COL18A1: variants seen among roughly 807,000 people sequenced by gnomAD.
The protein encoded by COL18A1 is collagen alpha-1(XVIII) chain.
Under a neutral mutation model 168.0 loss-of-function variants are expected in COL18A1, and 133 were observed. The observed-to-expected ratio is 0.79, with a 90% CI of 0.69 to 0.91. COL18A1 has a LOEUF of 0.91. Among genes scored for constraint, COL18A1 ranks in the 40% least tolerant of loss-of-function variants. The probability of loss-of-function intolerance (pLI) is 0.00; values close to 1 mark genes in which losing one functional copy is unlikely to be tolerated. For missense variants in COL18A1, 2,126 were observed against 1,925.4 expected (o/e 1.10, Z -1.95); for synonymous variants, 949 against 809.0 (o/e 1.17, Z -2.94).
intron 2 of COL18A1, among the ~76,000 whole-genome samples, chr21:45,448,629 G>A (rs189097683): frequency 2.4e-4 from 37 of 152,228 alleles, no homozygotes; most frequent in Non-Finnish European, 4.3e-4. Flanking sequence ...TTCTGTGTGC[G>A]TGTCCCAAGA....
At chr21:45,437,138 C>CCTGCG in intron 2 of COL18A1, among the ~76,000 whole-genome samples, 2 of 109,902 alleles carry the variant, frequency 1.8e-5, no homozygotes, top group Non-Finnish European at 3.6e-5. Context: ...CAGGCACTCT[C>CCTGCG]CACACACACT....
At chr21:45,456,162 C>A in intron 2 of COL18A1, 1 of 1,588,976 alleles carries the variant, frequency 6.3e-7, no homozygotes, top group Admixed American at 1.7e-5. Flanking sequence ...CCCTCAGTGC[C>A]ACCACCATCT....
At chr21:45,437,728 G>A (rs2034207097) in intron 2 of COL18A1, among the ~76,000 whole-genome samples, 1 of 36,834 alleles carries the variant, frequency 2.7e-5, no homozygotes, top group Non-Finnish European at 4.5e-5. Flanking sequence ...GCACTCTCCT[G>A]CACACACACA....
In COL18A1 at chr21:45,505,868, C is replaced by T. The variant is rs1360343516; in HGVS notation, c.3118C>T (p.Leu1040=). The change falls in exon 37 of 42, where the codon CTG becomes TTG. Residue 1040 remains leucine (L), a synonymous_variant. Coordinates refer to ENST00000651438, the MANE Select transcript of COL18A1 (RefSeq NM_001379500.1). ...VRLWATRQAM[L]GQVHEVPEGW... is the part of the protein sequence containing the mutation. ...GCTCTGGGCTACACGCCAGGCCATG[C>T]TGGGCCAGGTGCACGAGGTTCCCGA... is the stretch of plus-strand genomic sequence containing the variant. The T allele has an allele frequency of 1.2e-6, 2 of 1,611,830 alleles. No individual in the cohort carries two copies. The highest frequency in any genetic ancestry group is 1.7e-6 in the Non-Finnish European group (2 of 1,179,776).
chr21:45,509,964 G>T lies in COL18A1; in HGVS notation c.3496-100G>T. 9 of 1,368,340 alleles carry T rather than the reference G, an allele frequency of 6.6e-6. No homozygotes were observed. The East Asian group carries it at 7.6e-5, about 12-fold the overall frequency. The allele number at this position is 1,368,340 out of a possible 1,614,324, so 84.8% of individuals were successfully genotyped here. The stretch of plus-strand genomic sequence containing the variant: ...GCCTCCCGCTCAGCGCCCCTCGGCC[G>T]TGCCTGTCCACACAGGTGCGGGGCC... On this transcript the variant is annotated intron_variant, in intron 39 of 41. Coordinates refer to ENST00000651438, the MANE Select transcript of COL18A1 (RefSeq NM_001379500.1).
Position 45,498,080 on chromosome 21 carries a change from G to A in COL18A1, c.2683+419G>A. ...GGAGGCGTTGCCCGACAGGCCGTCT[G>A]GAGGGTGAGCCCAGCACCCCTGCTC... On this transcript the variant is annotated intron_variant, in intron 32 of 41. Transcript: ENST00000651438. This position sits in a 1 kb window ranked among gnomAD's most constrained non-coding sequence, Gnocchi z 4.5. 1.6e-6 allele frequency: 1 copy of A among 609,402 alleles called. No individual in the cohort carries two copies. Among genetic ancestry groups the A allele is most frequent in the Non-Finnish European group, 2.9e-6 (1 of 343,526 alleles). 37.7% of individuals were successfully genotyped at this position (609,402 alleles called of 1,614,324 possible). A position where few individuals can be genotyped will look rare whatever the true frequency, so the allele number is the denominator to read the frequency against.
chr21:45,407,963 C>T (rs1034859717), intron 2 of COL18A1: 3 of 152,280 alleles, frequency 2.0e-5, no homozygotes, highest in South Asian at 2.1e-4. Flanking sequence ...GCCTAGGTAA[C>T]GAGAGACCCT....
intron 32 of COL18A1, 27 bp from the exon 33 acceptor site, chr21:45,503,984 G>C (rs754603891): frequency 1.2e-6 from 2 of 1,613,136 alleles, no homozygotes; most frequent in Non-Finnish European, 8.5e-7. Flanking sequence ...CCACCTCAGC[G>C]AGACCCCGCC....
chr21:45,490,645 C>T (rs370108787), intron 20 of COL18A1, among the ~76,000 whole-genome samples, 191 bp from the exon 21 acceptor site: 12 of 134,914 alleles, frequency 8.9e-5, no homozygotes, highest in African/African-American at 1.9e-4. Flanking sequence ...TCTGGGCCTC[C>T]GTGTGCCCAC....
In COL18A1 at chr21:45,512,327, A is replaced by G. The variant is rs1414960073; in HGVS notation, c.3949A>G (p.Ser1317Gly). The G allele has an allele frequency of 6.2e-7, 1 of 1,612,562 alleles. No homozygotes were observed. Among genetic ancestry groups the G allele is most frequent in the Non-Finnish European group, 8.5e-7 (1 of 1,179,814 alleles). Residue 1317 changes from serine (S) to glycine (G), a missense_variant, in exon 42 of 42, where the codon AGT becomes GGT. Transcript: ENST00000651438. ...SLLGGRLLGQ[S>G]AASCHHAYIV... ...GCTGGGGGGCAGGCTCCTGGGGCAG[A>G]GTGCCGCGAGCTGCCATCACGCCTA...
rs201128690 is a variant in COL18A1 at position 45,414,110 on chromosome 21, G to A, written c.106+8637G>A. 8.5e-5 allele frequency among the ~76,000 whole-genome samples: 13 copies of A among 152,306 alleles called. No individual in the cohort carries two copies. In the East Asian group the frequency reaches 2.5e-3, roughly 29 times the overall value. On this transcript the variant is annotated intron_variant, in intron 2 of 41. Transcript: ENST00000651438. The stretch of plus-strand genomic sequence containing the variant: ...AGGCCCTTTCTGTATTGGATGCACC[G>A]CCTGGCCCCAGGCCCTCCTGCCCAG...
Position 45,443,264 on chromosome 21 carries a change from C to G in COL18A1, c.107-24978C>G, listed in dbSNP as rs1225140749. 3.3e-5 allele frequency among the ~76,000 whole-genome samples: 5 copies of G among 152,158 alleles called. No individual in the cohort carries two copies. The highest frequency in any genetic ancestry group is 1.2e-4 in the African/African-American group (5 of 41,418). ...ATGGCCCCAACCGGCACAAGTGTGG[C>G]TGTCACAGCTGGGGTCTGGGTAGGT... On this transcript the variant is annotated intron_variant, in intron 2 of 41. Coordinates refer to ENST00000651438, the MANE Select transcript of COL18A1 (RefSeq NM_001379500.1). This position sits in a 1 kb window ranked among gnomAD's most constrained non-coding sequence, Gnocchi z 5.2.
intron 2 of COL18A1, chr21:45,455,608 G>A (rs2034772099): frequency 1.9e-6 from 3 of 1,613,858 alleles, no homozygotes; most frequent in Middle Eastern, 1.6e-4. Flanking sequence ...CCAACCTGCT[G>A]AACCTGAACT....
intron 2 of COL18A1, among the ~76,000 whole-genome samples, chr21:45,406,569 G>T (rs923159040): frequency 6.6e-6 from 1 of 152,142 alleles, no homozygotes; most frequent in African/African-American, 2.4e-5. Flanking sequence ...GCGGAGAGCG[G>T]CTGTGAGCTC....
At position 45,509,500 on chromosome 21, in the gene COL18A1, C is replaced by CAGCCCT. The variant is rs1459525998; in HGVS notation, c.3396_3401dup (p.Pro1133_Tyr1134insTer). On this transcript the variant is annotated stop_gained and inframe_insertion, in exon 39 of 42. Transcript: ENST00000651438. LOFTEE classifies it high-confidence loss of function. ...CAGCCCCCCTCGCCTGCCCGAGCCC[C>CAGCCCT]AGCCCTACCCCGGAGCCCCGCACCA... 1 of 1,531,600 alleles carries CAGCCCT rather than the reference C, an allele frequency of 6.5e-7. No homozygotes were observed. The highest frequency in any genetic ancestry group is 8.8e-7 in the Non-Finnish European group (1 of 1,137,388). 94.9% of individuals were successfully genotyped at this position (1,531,600 alleles called of 1,614,324 possible).
chr21:45,438,184 T>A (rs1363516633), intron 2 of COL18A1, among the ~76,000 whole-genome samples: 9 of 68,174 alleles, frequency 1.3e-4, no homozygotes, highest in Admixed American at 1.6e-4. Flanking sequence ...ACACTCACAC[T>A]CAGACACACA....
chr21:45,437,332 A>G (rs1219940768), intron 2 of COL18A1, among the ~76,000 whole-genome samples: 2 of 107,180 alleles, frequency 1.9e-5, no homozygotes, highest in Non-Finnish European at 3.6e-5. Flanking sequence ...ACACACACAC[A>G]CTCAGACACA....
intron 2 of COL18A1, among the ~76,000 whole-genome samples, chr21:45,410,333 G>A (rs1376865373): frequency 1.3e-5 from 2 of 152,222 alleles, no homozygotes; most frequent in Non-Finnish European, 2.9e-5. Flanking sequence ...GCTGGGTGGC[G>A]GTTTGGCTCT....
intron 22 of COL18A1, among the ~76,000 whole-genome samples, chr21:45,492,291 G>A (rs1160621434): frequency 6.6e-6 from 1 of 152,208 alleles, no homozygotes. Flanking sequence ...AGAGGCAGGA[G>A]CATTTTAAAA....
Sources: allele counts gnomAD v4.1 joint callset (sites outside exome capture counted in the v4.1 genomes callset), GRCh38; gene constraint gnomAD v4.1.1; non-coding constraint Gnocchi (gnomAD v3.1); transcripts MANE v1.5; gene names NCBI Gene and HGNC (gene_info 2026-07-23, HGNC 2026-07-21).